Variants in MID1 observed in about 807,000 individuals in gnomAD.
MID1 encodes the protein E3 ubiquitin-protein ligase Midline-1.
Under a neutral mutation model 40.4 loss-of-function variants are expected in MID1, and 7 were observed. The observed-to-expected ratio is 0.17, with a 90% CI of 0.10 to 0.33. The LOEUF (loss-of-function observed/expected upper bound fraction) is 0.33, where lower values mean the gene tolerates loss of function less well. MID1 is among the 10% of genes least tolerant of loss of function. The probability of loss-of-function intolerance (pLI) is 1.00; values close to 1 mark genes in which losing one functional copy is unlikely to be tolerated. For missense variants in MID1, 367 were observed against 558.5 expected (o/e 0.66, Z 3.46); for synonymous variants, 229 against 221.2 (o/e 1.04, Z -0.31).
intron 1 of MID1, among the ~76,000 whole-genome samples, chrX:10,816,176 TTAATAA>T (rs1214536520): frequency 9.0e-6 from 1 of 111,599 alleles, no homozygotes; most frequent in Non-Finnish European, 1.9e-5. Flanking sequence ...TTTAAATAAA[TTAATAA>T]TAATAATAAT....
chrX:10,537,330 C>A (rs1933299213), intron 2 of MID1, among the ~76,000 whole-genome samples: 1 of 112,035 alleles, frequency 8.9e-6, no homozygotes, highest in Non-Finnish European at 1.9e-5. Flanking sequence ...ATTCAAAATT[C>A]AGCTTGACAG....
chrX:10,610,000 G>A lies in MID1; in HGVS notation c.-57+10290C>T, dbSNP rs752772581. On this transcript the variant is annotated intron_variant, in intron 1 of 9. Transcript: ENST00000317552. ...CCCAAAGTGCTGGGATTACAGGCGT[G>A]AGCCACCGCGCCCGGCCTTCTTTTT... Among the ~76,000 whole-genome samples, 20 of 111,970 alleles carry A rather than the reference G, an allele frequency of 1.8e-4. No individual in the cohort carries two copies. The South Asian group carries it at 7.0e-3, about 39-fold the overall frequency.
At chrX:10,473,531 C>T (rs980913106) in intron 6 of MID1, among the ~76,000 whole-genome samples, 1 of 112,138 alleles carries the variant, frequency 8.9e-6, no homozygotes, top group Non-Finnish European at 1.9e-5. Flanking sequence ...TATAGAACCC[C>T]TGGCCTTCTA....
rs150335565 is a variant in MID1, at chrX:10,587,451, C to T, written c.-56-19848G>A. ...GCTGGACAGCCCTCGGGGGCTGACC[C>T]GCAGGGTGCCGGACTTTGGGATATA... On this transcript the variant is annotated intron_variant, in intron 1 of 9. Transcript: ENST00000317552. 6.3e-3 allele frequency among the ~76,000 whole-genome samples: 712 copies of T among 112,777 alleles called. 9 individuals carry two copies. The highest frequency in any genetic ancestry group is 0.022 in the African/African-American group (673 of 31,082).
chrX:10,567,674 C>T (rs1934607839), intron 1 of MID1, 71 bp from the exon 2 acceptor site: 1 of 671,585 alleles, frequency 1.5e-6, no homozygotes, highest in Non-Finnish European at 2.4e-6. Context: ...GCTTTGAATG[C>T]ATCTCAGAAT....
At chrX:10,532,542 A>G (rs2147387957) in intron 2 of MID1, among the ~76,000 whole-genome samples, 1 of 111,244 alleles carries the variant, frequency 9.0e-6, no homozygotes, top group Non-Finnish European at 1.9e-5. Context: ...GTCTTTTAAA[A>G]TAAATAAATA....
At chrX:10,518,949 CT>C (rs1472662919) in intron 3 of MID1, among the ~76,000 whole-genome samples, 1 of 112,200 alleles carries the variant, frequency 8.9e-6, no homozygotes, top group Non-Finnish European at 1.9e-5. Context: ...TAAAATCTCC[CT>C]GTAAATTTCT....
intron 1 of MID1, among the ~76,000 whole-genome samples, chrX:10,751,039 C>A (rs1047672025): frequency 9.1e-6 from 1 of 110,456 alleles, no homozygotes; most frequent in Non-Finnish European, 1.9e-5. Flanking sequence ...CTGAGACAGG[C>A]GGATCACTTG....
At chrX:10,791,759 T>C (rs376856617) in intron 1 of MID1, among the ~76,000 whole-genome samples, 2 of 111,437 alleles carry the variant, frequency 1.8e-5, no homozygotes, top group African/African-American at 3.3e-5. Flanking sequence ...TACACATGCA[T>C]GTGTCATTGG....
intron 1 of MID1, among the ~76,000 whole-genome samples, chrX:10,783,569 C>G (rs1037063375): frequency 3.6e-5 from 4 of 111,885 alleles, no homozygotes; most frequent in African/African-American, 1.3e-4. Context: ...AGACACCCAA[C>G]AACCATGTAA....
intron 2 of MID1, among the ~76,000 whole-genome samples, chrX:10,554,426 G>A (rs969396415): frequency 8.9e-6 from 1 of 112,043 alleles, no homozygotes; most frequent in Non-Finnish European, 1.9e-5. Context: ...ACTCAGCCCT[G>A]ACCTACGAGG....
intron 1 of MID1, among the ~76,000 whole-genome samples, chrX:10,820,269 C>A (rs926805155): frequency 1.8e-5 from 2 of 111,888 alleles, no homozygotes; most frequent in Non-Finnish European, 3.8e-5. Context: ...CAGGGCAAAC[C>A]GAACTGGGCA....
intron 1 of MID1, among the ~76,000 whole-genome samples, chrX:10,727,124 A>AT (rs1249961890): frequency 1.8e-5 from 2 of 111,475 alleles, no homozygotes; most frequent in African/African-American, 6.5e-5. Flanking sequence ...TTTTATTTTT[A>AT]TTTTTTTGAG....
At chrX:10,585,516 G>C (rs1470833062) in intron 1 of MID1, among the ~76,000 whole-genome samples, 1 of 112,200 alleles carries the variant, frequency 8.9e-6, no homozygotes, top group East Asian at 2.8e-4. Context: ...ATCATAGAAG[G>C]TTTGAAATAC....
At chrX:10,650,424 A>G (rs1297459411) in intron 1 of MID1, among the ~76,000 whole-genome samples, 2 of 110,458 alleles carry the variant, frequency 1.8e-5, no homozygotes, top group Non-Finnish European at 3.8e-5. Context: ...TGTTCTCTAA[A>G]GTTTCAGCCT....
chrX:10,790,093 T>TA (rs2043917940), intron 1 of MID1, among the ~76,000 whole-genome samples: 1 of 111,314 alleles, frequency 9.0e-6, no homozygotes, highest in Non-Finnish European at 1.9e-5. Flanking sequence ...ACTAAACTCT[T>TA]ATGTTTCGTA....
intron 1 of MID1, among the ~76,000 whole-genome samples, chrX:10,587,711 GTTTGT>G (rs1307127904): frequency 8.9e-6 from 1 of 112,100 alleles, no homozygotes; most frequent in Non-Finnish European, 1.9e-5. Flanking sequence ...AATTGCCAAA[GTTTGT>G]TTTAAGTTTT....
At chrX:10,784,384 T>A (rs2043866406) in intron 1 of MID1, among the ~76,000 whole-genome samples, 1 of 111,045 alleles carries the variant, frequency 9.0e-6, no homozygotes, top group Non-Finnish European at 1.9e-5. Context: ...CTATGTGCCT[T>A]TCATTATGGG....
intron 6 of MID1, among the ~76,000 whole-genome samples, chrX:10,473,003 A>G (rs1045537400): frequency 8.9e-6 from 1 of 112,777 alleles, no homozygotes; most frequent in African/African-American, 3.2e-5. Flanking sequence ...GGAGATTTTT[A>G]ACAGGATGCC....
Sources: allele counts gnomAD v4.1 joint callset (sites outside exome capture counted in the v4.1 genomes callset), GRCh38; gene constraint gnomAD v4.1.1; transcripts MANE v1.5; gene names NCBI Gene and HGNC (gene_info 2026-07-23, HGNC 2026-07-21).